The following NCAM2 variants were observed in gnomAD, a reference collection of about 807,000 sequenced individuals.
The protein encoded by NCAM2 is N-CAM-2.
In NCAM2, 30 loss-of-function variants were observed where a neutral mutation model predicts 98.1. The observed-to-expected ratio is 0.31, with a 90% CI of 0.23 to 0.41. The LOEUF (loss-of-function observed/expected upper bound fraction) is 0.41, where lower values mean the gene tolerates loss of function less well. NCAM2 is among the 10% of genes least tolerant of loss of function. The probability of loss-of-function intolerance (pLI) is 1.00; values close to 1 mark genes in which losing one functional copy is unlikely to be tolerated. For missense variants in NCAM2, 867 were observed against 1,005.8 expected (o/e 0.86, Z 1.87); for synonymous variants, 368 against 342.4 (o/e 1.07, Z -0.83).
At chr21:21,089,739 A>ATTTAAGGT (rs2065974283) in intron 1 of NCAM2, among the ~76,000 whole-genome samples, 1 of 152,206 alleles carries the variant, frequency 6.6e-6, no homozygotes, top group African/African-American at 2.4e-5. Flanking sequence ...TACCAAGTGC[A>ATTTAAGGT]TTTAAGGTGT....
At chr21:21,462,323 A>G (rs1983086690) in intron 12 of NCAM2, among the ~76,000 whole-genome samples, 1 of 152,074 alleles carries the variant, frequency 6.6e-6, no homozygotes, top group Non-Finnish European at 1.5e-5. Flanking sequence ...CCAGGGTTTG[A>G]GAAAGGAAAG....
chr21:21,092,724 A>G (rs2066038383), intron 1 of NCAM2, among the ~76,000 whole-genome samples: 1 of 151,980 alleles, frequency 6.6e-6, no homozygotes, highest in African/African-American at 2.4e-5. Flanking sequence ...TAGCTCAGAC[A>G]TATATATAAA....
chr21:21,182,377 A>G (rs1253607065), intron 1 of NCAM2, among the ~76,000 whole-genome samples: 1 of 152,172 alleles, frequency 6.6e-6, no homozygotes, highest in East Asian at 1.9e-4. Flanking sequence ...TGCACAGTAG[A>G]AAAATGTTTT....
chr21:21,457,503 G>C (rs1368019002), intron 12 of NCAM2, among the ~76,000 whole-genome samples: 2 of 152,146 alleles, frequency 1.3e-5, no homozygotes, highest in Non-Finnish European at 2.9e-5. Flanking sequence ...AGCTGGGCTT[G>C]GTGGCATGCG....
rs115410420 is a variant in NCAM2 at position 21,542,574 on chromosome 21, G to A, written c.*4617G>A. 1 of 151,244 alleles carries A rather than the reference G, an allele frequency of 6.6e-6. No homozygotes were observed. The highest frequency in any genetic ancestry group is 2.4e-5 in the African/African-American group (1 of 41,190). 9.4% of individuals were successfully genotyped at this position (151,244 alleles called of 1,614,324 possible). On this transcript the variant is annotated 3_prime_UTR_variant, in exon 18 of 18. Coordinates refer to ENST00000400546, the MANE Select transcript of NCAM2 (RefSeq NM_004540.5). ...ATGAATCTTTTGGCATCTGTTTTTA[G>A]CCTCCCATGGAAGACAGTAAGCAAA...
chr21:21,129,686 G>T (rs1198166574), intron 1 of NCAM2, among the ~76,000 whole-genome samples: 1 of 151,752 alleles, frequency 6.6e-6, no homozygotes, highest in African/African-American at 2.4e-5. Context: ...CGCCTCTTTT[G>T]TCGCTGTTGC....
intron 15 of NCAM2, among the ~76,000 whole-genome samples, chr21:21,483,499 C>A (rs1470081644): frequency 6.6e-6 from 1 of 151,978 alleles, no homozygotes; most frequent in African/African-American, 2.4e-5. Context: ...ACTCTAGTTT[C>A]AAGCAACACT....
At chr21:21,200,600 A>G (rs1439916285) in intron 1 of NCAM2, among the ~76,000 whole-genome samples, 1 of 152,120 alleles carries the variant, frequency 6.6e-6, no homozygotes, top group African/African-American at 2.4e-5. Context: ...AATCAGATTC[A>G]TAGAAAATGC....
intron 1 of NCAM2, among the ~76,000 whole-genome samples, chr21:21,272,475 A>C (rs1254224771): frequency 6.8e-6 from 1 of 147,152 alleles, no homozygotes; most frequent in Admixed American, 7.0e-5. Context: ...ACCAGAAAAA[A>C]ACACGCACAC....
chr21:21,466,384 C>T (rs914682151), intron 12 of NCAM2, among the ~76,000 whole-genome samples: 3 of 151,750 alleles, frequency 2.0e-5, no homozygotes, highest in East Asian at 1.9e-4. Flanking sequence ...TTTGAAAGTA[C>T]GTGGCTTGGA....
chr21:21,189,090 A>G (rs1277251585), intron 1 of NCAM2, among the ~76,000 whole-genome samples: 1 of 152,218 alleles, frequency 6.6e-6, no homozygotes, highest in Non-Finnish European at 1.5e-5. Flanking sequence ...GCATTTATCT[A>G]GACTCACTTC....
At chr21:21,172,707 A>G (rs981635467) in intron 1 of NCAM2, among the ~76,000 whole-genome samples, 1 of 152,138 alleles carries the variant, frequency 6.6e-6, no homozygotes, top group Admixed American at 6.5e-5. Flanking sequence ...CAGGCGATTC[A>G]TTAATACTTT....
intron 1 of NCAM2, among the ~76,000 whole-genome samples, chr21:21,024,243 G>A (rs564671455): frequency 3.3e-4 from 50 of 152,236 alleles, no homozygotes; most frequent in African/African-American, 1.2e-3. Context: ...AAATCAACCA[G>A]TTTTGTTCTG....
intron 1 of NCAM2, among the ~76,000 whole-genome samples, chr21:21,051,896 A>G (rs2065116057): frequency 6.6e-6 from 1 of 152,224 alleles, no homozygotes. Flanking sequence ...AAGCGACTGC[A>G]AAAACCTTTT....
intron 1 of NCAM2, among the ~76,000 whole-genome samples, chr21:21,163,107 A>G (rs963642448): frequency 3.3e-5 from 5 of 152,196 alleles, no homozygotes; most frequent in African/African-American, 9.6e-5. Context: ...TCATATAATC[A>G]TGTATTTCTG....
At chr21:21,433,819 G>A (rs2077407399) in intron 12 of NCAM2, among the ~76,000 whole-genome samples, 1 of 146,242 alleles carries the variant, frequency 6.8e-6, no homozygotes, top group African/African-American at 2.5e-5. Context: ...AGAAAAAGGA[G>A]GGTGGTAGGT....
intron 1 of NCAM2, among the ~76,000 whole-genome samples, chr21:21,059,244 A>G (rs534788986): frequency 6.6e-6 from 1 of 152,066 alleles, no homozygotes; most frequent in African/African-American, 2.4e-5. Context: ...CCAAGCCAGG[A>G]AAAAAGCTTT....
rs76740978 is a variant in NCAM2 at position 21,236,923 on chromosome 21, G to A, written c.56-43655G>A. Among the ~76,000 whole-genome samples, 754 of 152,234 alleles carry A rather than the reference G, an allele frequency of 5.0e-3. 12 individuals carry two copies. Among genetic ancestry groups the A allele is most frequent in the African/African-American group, 0.017 (723 of 41,562 alleles). On this transcript the variant is annotated intron_variant, in intron 1 of 17. Transcript: ENST00000400546. ...GTTTAGGATAGAAAACTAGAGTTAT[G>A]TAGACAATAGTGTTTCATTACAATT... is the stretch of plus-strand genomic sequence containing the variant.
intron 1 of NCAM2, among the ~76,000 whole-genome samples, chr21:21,128,348 C>T (rs1213666794): frequency 6.6e-6 from 1 of 151,884 alleles, no homozygotes; most frequent in Non-Finnish European, 1.5e-5. Flanking sequence ...GGAAATTTGT[C>T]TAAGGGTTGT....
Sources: gnomAD v4.1 joint callset for allele counts (sites outside exome capture counted in the v4.1 genomes callset) on GRCh38, gnomAD v4.1.1 for gene constraint, MANE v1.5 for transcripts, NCBI Gene and HGNC (gene_info 2026-07-23, HGNC 2026-07-21) for gene names.